Variants in PCNX1 observed in about 807,000 individuals in gnomAD.
PCNX1 encodes pecanex-like protein 1.
Under a neutral mutation model 242.2 loss-of-function variants are expected in PCNX1, and 78 were observed. The observed-to-expected ratio is 0.32, with a 90% confidence interval of 0.27 to 0.39. PCNX1 has a LOEUF of 0.39. Ranked by LOEUF, PCNX1 falls within the 10% of genes least tolerant of loss-of-function variation. PCNX1 has a pLI of 1.00. For synonymous variants in PCNX1, 1,024 were observed against 1,032.9 expected, an observed-to-expected ratio of 0.99 and a Z score of 0.17; for missense variants, 2,581 against 2,856.5, an observed-to-expected ratio of 0.90 and a Z score of 2.20.
chr14:70,941,614 G>T (rs1028366884), intron 1 of PCNX1, among the ~76,000 whole-genome samples: 1 of 152,190 alleles, frequency 6.6e-6, no homozygotes, highest in African/African-American at 2.4e-5. Flanking sequence ...TCCATTCTCA[G>T]ATCTCAAACT....
intron 30 of PCNX1, among the ~76,000 whole-genome samples, chr14:71,098,588 C>T (rs943584361): frequency 2.8e-5 from 4 of 144,216 alleles, no homozygotes; most frequent in African/African-American, 1.0e-4. Context: ...GATGGGATTG[C>T]ATTATTGATT....
At chr14:71,015,676 A>G (rs2059943661) in intron 11 of PCNX1, among the ~76,000 whole-genome samples, 1 of 152,176 alleles carries the variant, frequency 6.6e-6, no homozygotes, top group African/African-American at 2.4e-5. Context: ...CTGTAAGGCA[A>G]TCACTAAAAT....
At chr14:71,017,819 G>A (rs1228259790) in intron 11 of PCNX1, among the ~76,000 whole-genome samples, 1 of 152,144 alleles carries the variant, frequency 6.6e-6, no homozygotes, top group South Asian at 2.1e-4. Flanking sequence ...TAATTTATTG[G>A]TTTGGAAATA....
At position 71,089,277 on chromosome 14, in the gene PCNX1, G is replaced by A. The variant is rs1566793197; in HGVS notation, c.5524G>A (p.Ala1842Thr). ...ISSIRDEWIF[A>T]DMELLRKVVV... ...TTCAATTCGAGATGAATGGATCTTT[G>A]CTGACATGGAATTGCTAAGAAAAGT... is the stretch of plus-strand genomic sequence containing the variant. Residue 1842 changes from alanine to threonine, a missense_variant, in exon 30 of 36, where the codon GCT (alanine) becomes ACT (threonine). Physicochemically the swap from Ala to Thr is moderately conservative, Grantham distance 58. Around this residue, in one of 9 missense-constraint regions of PCNX1, gnomAD observed 298 missense variants for 480.1 expected, o/e 0.62. Transcript: ENST00000304743. 6.2e-7 allele frequency: 1 copy of A among 1,612,536 alleles called. No homozygotes were observed. Among genetic ancestry groups the A allele is most frequent in the Non-Finnish European group, 8.5e-7 (1 of 1,178,770 alleles).
At chr14:71,059,047 T>C (rs1161878426) in intron 26 of PCNX1, among the ~76,000 whole-genome samples, 1 of 151,036 alleles carries the variant, frequency 6.6e-6, no homozygotes, top group Non-Finnish European at 1.5e-5. Context: ...GAAGACTTCA[T>C]CCTTGTTTTT....
chr14:70,958,643 G>A (rs754173506), intron 2 of PCNX1, among the ~76,000 whole-genome samples: 1 of 152,062 alleles, frequency 6.6e-6, no homozygotes, highest in Non-Finnish European at 1.5e-5. Context: ...AGCACCTCCA[G>A]GCCTTAAGTC....
At chr14:71,083,656 T>C (rs1033998987) in intron 28 of PCNX1, among the ~76,000 whole-genome samples, 1 of 152,064 alleles carries the variant, frequency 6.6e-6, no homozygotes, top group Non-Finnish European at 1.5e-5. Flanking sequence ...ATTGATACTT[T>C]TGTATGCTTC....
Position 71,103,378 on chromosome 14 carries a change from T to C in PCNX1, c.5821-17T>C. On this transcript the variant is annotated splice_polypyrimidine_tract_variant and intron_variant, in intron 31 of 35. Transcript: ENST00000304743. ...TCTTGGCCCCTTAACCTAATTCCCTTGTGTTCTGGTTTTCAGGTGAATAAG... is the reference window on the plus strand; with the variant it reads ...TCTTGGCCCCTTAACCTAATTCCCTCGTGTTCTGGTTTTCAGGTGAATAAG... 6.2e-7 allele frequency: 1 copy of C among 1,612,716 alleles called. No individual in the cohort carries two copies. Among genetic ancestry groups the C allele is most frequent in the Non-Finnish European group, 8.5e-7 (1 of 1,178,928 alleles).
chr14:70,984,316 T>C (rs944277414), intron 6 of PCNX1, among the ~76,000 whole-genome samples: 1 of 151,534 alleles, frequency 6.6e-6, no homozygotes, highest in South Asian at 2.1e-4. Flanking sequence ...ATGCCAACCA[T>C]AGCAGTACAT....
In PCNX1 at chr14:71,057,569, A is replaced by T; in HGVS notation, c.4697A>T (p.His1566Leu). ...GAGCATTTAACTAGATCCCTACAGC[A>T]CAGCCTCTGTGGTGATTTGCTACTA... ...FYEHLTRSLQ[H>L]SLCGDLLLGR... Residue 1566 changes from histidine to leucine, a missense_variant, in exon 26 of 36, where the codon CAC (histidine) becomes CTC (leucine). Around this residue, in one of 9 missense-constraint regions of PCNX1, gnomAD observed 99 missense variants for 147.3 expected, o/e 0.67. Transcript: ENST00000304743. 1 of 1,613,876 alleles carries T rather than the reference A, an allele frequency of 6.2e-7. No individual in the cohort carries two copies. Among genetic ancestry groups the T allele is most frequent in the South Asian group, 1.1e-5 (1 of 91,076 alleles).
chr14:71,088,473 C>A, intron 29 of PCNX1, 43 bp downstream of exon 29: 1 of 1,113,134 alleles, frequency 9.0e-7, no homozygotes, highest in Non-Finnish European at 1.4e-6. Context: ...GCATGGGAAG[C>A]TGTATAGCCT....
intron 32 of PCNX1, 135 bp downstream of exon 32, chr14:71,103,804 T>C: frequency 1.5e-6 from 1 of 687,592 alleles, no homozygotes; most frequent in South Asian, 2.1e-5. Flanking sequence ...ATTTCTGAAC[T>C]TCAAGAAGTA....
At chr14:71,012,589 T>C in intron 10 of PCNX1, 1 of 245,220 alleles carries the variant, frequency 4.1e-6, no homozygotes, top group South Asian at 4.6e-5. Flanking sequence ...CCCAGCACTT[T>C]GAGAGGCCGA....
chr14:71,109,076 G>C (rs1566814165), intron 34 of PCNX1, 30 bp downstream of exon 34: 1 of 1,526,738 alleles, frequency 6.5e-7, no homozygotes, highest in Admixed American at 2.0e-5. Flanking sequence ...GTCTTGTGCT[G>C]TTTTTGTTAC....
At chr14:70,944,158 G>A (rs897670540) in intron 1 of PCNX1, among the ~76,000 whole-genome samples, 6 of 152,094 alleles carry the variant, frequency 3.9e-5, no homozygotes, top group South Asian at 4.1e-4. Context: ...GGCTGCTGTC[G>A]TCCAGTCCAC....
Position 70,977,884 on chromosome 14 carries a change from A to G in PCNX1, c.1547A>G (p.Glu516Gly), listed in dbSNP as rs1392381883. 1.2e-6 allele frequency: 2 copies of G among 1,613,982 alleles called. No individual in the cohort carries two copies. Among genetic ancestry groups the G allele is most frequent in the South Asian group, 1.1e-5 (1 of 91,078 alleles). Residue 516 changes from glutamate to glycine, a missense_variant, in exon 6 of 36, where the codon GAG (glutamate) becomes GGG (glycine). This residue lies in a region of PCNX1 where 1,204 missense variants were observed against 1,216.7 expected (regional missense o/e 0.99). Transcript: ENST00000304743. ...PPGNTAENKE[E>G]KSDKSAVSVD... ...GGGAACACTGCAGAAAACAAAGAAG[A>G]GAAGAGTGATAAGTCAGCTGTTTCT...
At chr14:71,039,427 C>T (rs966517346) in intron 19 of PCNX1, among the ~76,000 whole-genome samples, 7 of 152,092 alleles carry the variant, frequency 4.6e-5, no homozygotes, top group African/African-American at 1.7e-4. Context: ...ATGTGGTCCT[C>T]ACCATAGGCT....
intron 1 of PCNX1, among the ~76,000 whole-genome samples, chr14:70,938,577 G>T (rs144332921): frequency 1.8e-3 from 273 of 152,236 alleles, no homozygotes; most frequent in Non-Finnish European, 2.9e-3. Context: ...CAAGGATATT[G>T]GTCTAAAATT....
chr14:71,000,949 T>G (rs2059487431), intron 8 of PCNX1, among the ~76,000 whole-genome samples: 1 of 152,204 alleles, frequency 6.6e-6, no homozygotes, highest in South Asian at 2.1e-4. Context: ...TACCAGTTAT[T>G]AACTATGCGA....
Sources: allele counts gnomAD v4.1 joint callset (sites outside exome capture counted in the v4.1 genomes callset), GRCh38; gene constraint gnomAD v4.1.1; regional missense constraint gnomAD v4.1.1; transcripts MANE v1.5; gene names NCBI Gene and HGNC (gene_info 2026-07-23, HGNC 2026-07-21).